The following NXF1 variants were observed in gnomAD, a reference collection of about 807,000 sequenced individuals.
NXF1 encodes nuclear RNA export factor 1.
Under a neutral mutation model 92.4 loss-of-function variants are expected in NXF1, and 43 were observed. The ratio of observed to expected loss-of-function variants is 0.47; its 90% confidence interval spans 0.36 to 0.60. The LOEUF (loss-of-function observed/expected upper bound fraction) is 0.60, where lower values mean the gene tolerates loss of function less well. NXF1 is among the 20% of genes least tolerant of loss of function. The pLI, the probability that NXF1 is intolerant of heterozygous loss-of-function variation, is 0.00. For missense variants in NXF1, 576 were observed against 793.0 expected (o/e 0.73, Z 3.29); for synonymous variants, 288 against 292.2 (o/e 0.99, Z 0.15).
At chr11:62,799,218 A>C (rs963545731) in intron 10 of NXF1, 1 of 985,632 alleles carries the variant, frequency 1.0e-6, no homozygotes, top group African/African-American at 1.7e-5. Context: ...CATCTAGAAA[A>C]ATGAGGGAGA....
intron 10 of NXF1, chr11:62,798,955 C>G (rs574986777): frequency 5.1e-5 from 54 of 1,050,262 alleles, no homozygotes; most frequent in Non-Finnish European, 6.1e-5. Context: ...CACCAGGTAT[C>G]CATCAGTTCT....
At chr11:62,799,600 C>G (rs1169634293) in intron 10 of NXF1, 6 of 985,670 alleles carry the variant, frequency 6.1e-6, no homozygotes, top group Non-Finnish European at 6.0e-6. Flanking sequence ...CGGGGCCAAA[C>G]AGGGTGACGT....
At chr11:62,794,500 T>C (rs1362366846) in intron 18 of NXF1, 60 bp from the exon 19 acceptor site, 1 of 1,442,366 alleles carries the variant, frequency 6.9e-7, no homozygotes, top group Non-Finnish European at 9.7e-7. Flanking sequence ...CCCAACATCA[T>C]TCCTATTCTC....
rs758089394 is a variant in NXF1, at chr11:62,801,797, G to A, written c.581C>T (p.Ser194Phe). The A allele has an allele frequency of 1.2e-6, 2 of 1,613,742 alleles. No homozygotes were observed. The highest frequency in any genetic ancestry group is 1.7e-5 in the Admixed American group (1 of 59,990). Residue 194 changes from serine (S) to phenylalanine (F), a missense_variant, in exon 6 of 21, where the codon TCT (serine) becomes TTT (phenylalanine). Transcript: ENST00000294172. ...ATTCAGTATAGTGTGGGGTGGAGCA[G>A]AAGAGTTGATGATGATAGATATCTG... ...NRRISIIINS[S>F]APPHTILNEL...
At chr11:62,798,917 G>T in intron 10 of NXF1, 1 of 1,105,802 alleles carries the variant, frequency 9.0e-7, no homozygotes. Flanking sequence ...GGAGGGAATG[G>T]GGTGGGAGCC....
At chr11:62,804,319 A>G in intron 1 of NXF1, 2 of 771,416 alleles carry the variant, frequency 2.6e-6, no homozygotes, top group Non-Finnish European at 3.7e-6. Context: ...TACTTTGTCT[A>G]TACAGTGCAG....
In NXF1 at chr11:62,792,361, C is replaced by A; in HGVS notation, c.*115G>T. ...AGGGATCAGGCAGCCCTCCCTCCCTCGGTCACAGTCACGGGGCGGCCTCGG... is the reference window on the plus strand; with the variant it reads ...AGGGATCAGGCAGCCCTCCCTCCCTAGGTCACAGTCACGGGGCGGCCTCGG... On this transcript the variant is annotated 3_prime_UTR_variant, in exon 21 of 21. Transcript: ENST00000294172. 1.6e-6 allele frequency: 2 copies of A among 1,287,018 alleles called. No homozygotes were observed. Among genetic ancestry groups the A allele is most frequent in the Non-Finnish European group, 2.3e-6 (2 of 886,746 alleles). 79.7% of individuals were successfully genotyped at this position (1,287,018 alleles called of 1,614,324 possible). A position where few individuals can be genotyped will look rare whatever the true frequency, so the allele number is the denominator to read the frequency against.
chr11:62,804,116 C>A (rs1467626391), intron 1 of NXF1, 138 bp from the exon 2 acceptor site: 3 of 1,562,950 alleles, frequency 1.9e-6, no homozygotes, highest in Non-Finnish European at 2.6e-6. Context: ...AAACTCCGCT[C>A]CCTATCCACA....
rs1274042950 is a variant in NXF1, at chr11:62,792,261, C to A, written c.*215G>T. The A allele has an allele frequency of 1.4e-6, 1 of 715,240 alleles. No homozygotes were observed. The highest frequency in any genetic ancestry group is 2.4e-6 in the Non-Finnish European group (1 of 415,038). 44.3% of individuals were successfully genotyped at this position (715,240 alleles called of 1,614,324 possible). A position where few individuals can be genotyped will look rare whatever the true frequency, so the allele number is the denominator to read the frequency against. ...TCCTTCGGGTAGTTTAGTGTCAGTT[C>A]TACAAAGTAAGCTTTGGCTTCCTGG... On this transcript the variant is annotated 3_prime_UTR_variant, in exon 21 of 21. Transcript: ENST00000294172.
At chr11:62,799,846 C>G (rs1490299318) in intron 10 of NXF1, 1 of 986,532 alleles carries the variant, frequency 1.0e-6, no homozygotes, top group Admixed American at 6.1e-5. Context: ...CCTAGGAGGC[C>G]TCAACCTCAG....
At chr11:62,803,147 C>T (rs1278250178) in intron 3 of NXF1, among the ~76,000 whole-genome samples, 2 of 151,918 alleles carry the variant, frequency 1.3e-5, no homozygotes. Context: ...AGTGAAACCC[C>T]GTCTCTACTA....
At chr11:62,796,592 T>C in intron 13 of NXF1, 25 bp from the exon 14 acceptor site, 2 of 1,503,346 alleles carry the variant, frequency 1.3e-6, no homozygotes, top group Non-Finnish European at 1.9e-6. Context: ...AAAAAGAAAG[T>C]ATGGGCTCTG....
chr11:62,804,331 C>T (rs1305691719), intron 1 of NXF1: 6 of 591,888 alleles, frequency 1.0e-5, no homozygotes, highest in South Asian at 2.0e-5. Context: ...ACAGTGCAGA[C>T]GCCAGTTACA....
In NXF1 at chr11:62,803,893, A is replaced by G; in HGVS notation, c.114T>C (p.Arg38=). 6.2e-7 allele frequency: 1 copy of G among 1,614,208 alleles called. No individual in the cohort carries two copies. The highest frequency in any genetic ancestry group is 1.1e-5 in the South Asian group (1 of 91,086). ...TACCAGAACCGCCTCTTCCAGACCT[A>G]CGGTTTCCTTCACCATATTTCCACC... The part of the protein sequence containing the change: ...PFRWKYGEGN[R]RSGRGGSGIR... Residue 38 remains arginine (R), a synonymous_variant, in exon 2 of 21, where the codon CGT becomes CGC. Coordinates refer to ENST00000294172, the MANE Select transcript of NXF1 (RefSeq NM_006362.5).
chr11:62,803,917 C>G lies in NXF1; in HGVS notation c.90G>C (p.Arg30=). The change falls in exon 2 of 21, where the codon CGG becomes CGC. Residue 30 remains arginine (R), a synonymous_variant. Coordinates refer to ENST00000294172, the MANE Select transcript of NXF1 (RefSeq NM_006362.5). ...TACGGTTTCCTTCACCATATTTCCACCGGAAGGGACCCCGGCCTTTCTTCT... is the reference window on the plus strand; with the variant it reads ...TACGGTTTCCTTCACCATATTTCCAGCGGAAGGGACCCCGGCCTTTCTTCT... ...QRKKKGRGPF[R]WKYGEGNRRS... is the part of the protein sequence containing the mutation. 1 of 1,614,188 alleles carries G rather than the reference C, an allele frequency of 6.2e-7. No homozygotes were observed. Among genetic ancestry groups the G allele is most frequent in the Non-Finnish European group, 8.5e-7 (1 of 1,180,032 alleles).
intron 9 of NXF1, 99 bp from the exon 10 acceptor site, chr11:62,800,585 C>T: frequency 1.1e-5 from 7 of 654,736 alleles, no homozygotes; most frequent in Middle Eastern, 3.4e-4. Flanking sequence ...GAGATCTTTT[C>T]TAATCTTTTA....
At chr11:62,793,058 A>C (rs938522399) in intron 19 of NXF1, among the ~76,000 whole-genome samples, 1 of 150,984 alleles carries the variant, frequency 6.6e-6, no homozygotes, top group Non-Finnish European at 1.5e-5. Context: ...TTTATAGACT[A>C]TCAGGTTTGT....
At position 62,795,907 on chromosome 11, in the gene NXF1, TG is replaced by T; in HGVS notation, c.1497del (p.Phe499LeufsTer32). The T allele has an allele frequency of 6.2e-7, 1 of 1,613,732 alleles. No homozygotes were observed. Among genetic ancestry groups the T allele is most frequent in the Non-Finnish European group, 8.5e-7 (1 of 1,179,982 alleles). On this transcript the variant is annotated frameshift_variant, in exon 17 of 21. Transcript: ENST00000294172. LOFTEE classifies it high-confidence loss of function. The part of the protein sequence containing the change: ...TLLCFSVNGV[F>X]KEVDGKSRDS... Reference sequence around the variant, plus strand: ...GGACTCTAAAGATTCTTACCTTCCTTGAAGACTCCATTGACAGAAAAACACA... The same window carrying T: ...GGACTCTAAAGATTCTTACCTTCCTTAAGACTCCATTGACAGAAAAACACA...
At position 62,803,876 on chromosome 11, in the gene NXF1, C is replaced by A; in HGVS notation, c.131G>T (p.Gly44Val). Residue 44 changes from glycine (G) to valine (V), a missense_variant, in exon 2 of 21, where the codon GGT (glycine) becomes GTT (valine). Coordinates refer to ENST00000294172, the MANE Select transcript of NXF1 (RefSeq NM_006362.5). The part of the protein sequence containing the change: ...GEGNRRSGRG[G>V]SGIRSSRLEE... ...AAGGCGGGAAGACCGAATACCAGAACCGCCTCTTCCAGACCTACGGTTTCC... is the reference window on the plus strand; with the variant it reads ...AAGGCGGGAAGACCGAATACCAGAAACGCCTCTTCCAGACCTACGGTTTCC... 1.2e-6 allele frequency: 2 copies of A among 1,614,224 alleles called. No homozygotes were observed. The highest frequency in any genetic ancestry group is 2.2e-5 in the South Asian group (2 of 91,086).
Sources: gnomAD v4.1 joint callset for allele counts (sites outside exome capture counted in the v4.1 genomes callset) on GRCh38, gnomAD v4.1.1 for gene constraint, MANE v1.5 for transcripts, NCBI Gene and HGNC (gene_info 2026-07-23, HGNC 2026-07-21) for gene names.